The following CAMK2B variants were observed in gnomAD, a reference collection of about 807,000 sequenced individuals.
The protein encoded by CAMK2B is calcium/calmodulin-dependent protein kinase type II subunit beta.
Under a neutral mutation model 93.7 loss-of-function variants are expected in CAMK2B, and 27 were observed. That is an observed-to-expected ratio of 0.29 (90% CI 0.21 to 0.40). CAMK2B has a LOEUF of 0.40. CAMK2B is among the 10% of genes least tolerant of loss of function. CAMK2B has a pLI of 1.00. For synonymous variants in CAMK2B, 374 were observed against 358.8 expected, an observed-to-expected ratio of 1.04 and a Z score of -0.48; for missense variants, 568 against 895.8, an observed-to-expected ratio of 0.63 and a Z score of 4.67.
chr7:44,220,466 T>C, intron 22 of CAMK2B, 150 bp downstream of exon 22: 5 of 842,152 alleles, frequency 5.9e-6, no homozygotes, highest in Non-Finnish European at 9.3e-6. Flanking sequence ...GGGCTGGGTA[T>C]GGCCTCTGGC....
Position 44,320,023 on chromosome 7 carries a change from C to T in CAMK2B, c.65+5334G>A, listed in dbSNP as rs181734294. Among the ~76,000 whole-genome samples the T allele has an allele frequency of 3.3e-5, 5 of 152,234 alleles. No individual in the cohort carries two copies. The East Asian group carries it at 9.6e-4, about 29-fold the overall frequency. ...CAGGTACCTCTGGAGAGTGAGGGAACTTGAGTGTAAAGGAGTCACATTTTA... is the reference window on the plus strand; with the variant it reads ...CAGGTACCTCTGGAGAGTGAGGGAATTTGAGTGTAAAGGAGTCACATTTTA... On this transcript the variant is annotated intron_variant, in intron 1 of 23. Coordinates refer to ENST00000395749, the MANE Select transcript of CAMK2B (RefSeq NM_001220.5).
intron 2 of CAMK2B, among the ~76,000 whole-genome samples, chr7:44,264,801 G>A (rs1422748800): frequency 6.6e-6 from 1 of 152,228 alleles, no homozygotes; most frequent in African/African-American, 2.4e-5. Context: ...ACCAGCCCAA[G>A]TGTCTGTCAG....
intron 2 of CAMK2B, among the ~76,000 whole-genome samples, chr7:44,270,126 C>A (rs1218357568): frequency 1.3e-5 from 2 of 151,848 alleles, no homozygotes; most frequent in Non-Finnish European, 2.9e-5. Flanking sequence ...GGTTGCCAGA[C>A]CCCCCATGGG....
intron 2 of CAMK2B, among the ~76,000 whole-genome samples, chr7:44,281,252 G>C (rs902104402): frequency 2.0e-5 from 3 of 152,266 alleles, no homozygotes; most frequent in African/African-American, 7.2e-5. Context: ...GCACTGGGCA[G>C]TGCCAGGACT....
At chr7:44,313,210 C>T (rs1378055511) in intron 1 of CAMK2B, among the ~76,000 whole-genome samples, 2 of 152,160 alleles carry the variant, frequency 1.3e-5, no homozygotes, top group Non-Finnish European at 2.9e-5. Context: ...TCCCTCGCTC[C>T]GTCCCATTCC....
chr7:44,256,872 G>A (rs2096838576), intron 4 of CAMK2B, among the ~76,000 whole-genome samples: 1 of 152,192 alleles, frequency 6.6e-6, no homozygotes, highest in Non-Finnish European at 1.5e-5. Flanking sequence ...TTCAGGGAAG[G>A]GAGTTTGCTC....
At chr7:44,229,259 G>C (rs1048840694) in intron 18 of CAMK2B, 129 bp downstream of exon 18, 3 of 652,028 alleles carry the variant, frequency 4.6e-6, no homozygotes, top group Non-Finnish European at 5.3e-6. Context: ...GCCCCAGTGA[G>C]GGATTGTGGG....
rs183689154 is a variant in CAMK2B at position 44,239,970 on chromosome 7, C to T, written c.947-307G>A. 5.3e-5 allele frequency among the ~76,000 whole-genome samples: 8 copies of T among 152,304 alleles called. No individual in the cohort carries two copies. The South Asian group carries it at 6.2e-4, about 12-fold the overall frequency. On this transcript the variant is annotated intron_variant, in intron 12 of 23. Coordinates refer to ENST00000395749, the MANE Select transcript of CAMK2B (RefSeq NM_001220.5). ...TAGTGTTGGTGTGACCGTGTGCACG[C>T]GTTCCCGGCATTACAGCATCACAGC...
At chr7:44,283,892 C>T (rs1389819835) in intron 2 of CAMK2B, among the ~76,000 whole-genome samples, 6 of 152,220 alleles carry the variant, frequency 3.9e-5, no homozygotes, top group Non-Finnish European at 7.3e-5. Flanking sequence ...CTTGGCACCC[C>T]CACCAGCCTG....
At chr7:44,288,556 C>T (rs1022291598) in intron 1 of CAMK2B, among the ~76,000 whole-genome samples, 3 of 152,210 alleles carry the variant, frequency 2.0e-5, no homozygotes, top group South Asian at 2.1e-4. Context: ...AGGCTGAAAG[C>T]GATTTTGAAT....
chr7:44,292,257 G>A (rs1314672158), intron 1 of CAMK2B, among the ~76,000 whole-genome samples: 7 of 152,076 alleles, frequency 4.6e-5, no homozygotes, highest in South Asian at 2.1e-4. Flanking sequence ...AAGAACACCC[G>A]TTTTACAAGA....
At chr7:44,285,303 C>A (rs978346294) in intron 1 of CAMK2B, among the ~76,000 whole-genome samples, 8 of 152,236 alleles carry the variant, frequency 5.3e-5, no homozygotes, top group Non-Finnish European at 1.2e-4. Flanking sequence ...TGAGTCCAGA[C>A]AAAAGGGCCA....
intron 2 of CAMK2B, among the ~76,000 whole-genome samples, chr7:44,273,835 AC>A (rs1470794210): frequency 5.3e-5 from 8 of 151,984 alleles, no homozygotes; most frequent in Admixed American, 2.6e-4. Context: ...GGAGGTTCCC[AC>A]TCATCCCTGA....
intron 15 of CAMK2B, 57 bp downstream of exon 15, chr7:44,234,333 A>G: frequency 2.1e-6 from 3 of 1,431,876 alleles, no homozygotes; most frequent in Non-Finnish European, 2.8e-6. Context: ...ACCAGCGGCA[A>G]TCACACAGCC....
At chr7:44,220,972 G>C (rs1324861484) in intron 20 of CAMK2B, 71 bp from the exon 21 acceptor site, 2 of 1,350,812 alleles carry the variant, frequency 1.5e-6, no homozygotes, top group Non-Finnish European at 2.1e-6. Flanking sequence ...ACACAGCCCA[G>C]GGGAGGGCCT....
chr7:44,255,702 G>A (rs1584273866), intron 4 of CAMK2B, among the ~76,000 whole-genome samples: 1 of 152,214 alleles, frequency 6.6e-6, no homozygotes, highest in Non-Finnish European at 1.5e-5. Flanking sequence ...TTTGGGCCCA[G>A]CACTTGGGGC....
At chr7:44,243,854 C>T (rs535199862) in intron 6 of CAMK2B, among the ~76,000 whole-genome samples, 1 of 152,314 alleles carries the variant, frequency 6.6e-6, no homozygotes, top group African/African-American at 2.4e-5. Flanking sequence ...ACCAAAACCT[C>T]AAGCTCATCC....
Position 44,254,624 on chromosome 7 carries a change from A to G in CAMK2B, c.276-17T>C. On this transcript the variant is annotated splice_polypyrimidine_tract_variant and intron_variant, in intron 4 of 23. Coordinates refer to ENST00000395749, the MANE Select transcript of CAMK2B (RefSeq NM_001220.5). Reference sequence around the variant, plus strand: ...CCAGTGACCCTATGGGAGAAGCATGAAGGGGTCACAGATTCTGGAGACCCC... The same window carrying G: ...CCAGTGACCCTATGGGAGAAGCATGGAGGGGTCACAGATTCTGGAGACCCC... The G allele has an allele frequency of 6.2e-7, 1 of 1,600,148 alleles. No individual in the cohort carries two copies. The highest frequency in any genetic ancestry group is 8.6e-7 in the Non-Finnish European group (1 of 1,169,302).
At chr7:44,287,685 T>C (rs1785511315) in intron 1 of CAMK2B, among the ~76,000 whole-genome samples, 1 of 152,302 alleles carries the variant, frequency 6.6e-6, no homozygotes, top group South Asian at 2.1e-4. Context: ...TTATAAACAT[T>C]GAGAGACAAC....
Sources: gnomAD v4.1 joint callset for allele counts (sites outside exome capture counted in the v4.1 genomes callset) on GRCh38, gnomAD v4.1.1 for gene constraint, MANE v1.5 for transcripts, NCBI Gene and HGNC (gene_info 2026-07-23, HGNC 2026-07-21) for gene names.